The following TMEM178B variants were observed in gnomAD, a reference collection of about 807,000 sequenced individuals.
TMEM178B encodes the protein transmembrane protein 178B.
TMEM178B carries 5 observed loss-of-function variants against 31.0 expected under a neutral mutation model. The observed-to-expected ratio is 0.16, with a 90% CI of 0.08 to 0.34. TMEM178B has a LOEUF of 0.34. TMEM178B is among the 10% of genes least tolerant of loss of function. The probability of loss-of-function intolerance (pLI) is 1.00; values close to 1 mark genes in which losing one functional copy is unlikely to be tolerated. For synonymous variants in TMEM178B, 164 were observed against 164.0 expected, an observed-to-expected ratio of 1.00 and a Z score of 0.00; for missense variants, 275 against 400.3, an observed-to-expected ratio of 0.69 and a Z score of 2.67.
chr7:141,321,504 A>T (rs1440479076), intron 2 of TMEM178B, among the ~76,000 whole-genome samples: 1 of 152,192 alleles, frequency 6.6e-6, no homozygotes, highest in Non-Finnish European at 1.5e-5. Context: ...GTCAGGAGGC[A>T]GTGGTCACTA....
At chr7:141,438,019 T>C (rs1801581169) in intron 3 of TMEM178B, among the ~76,000 whole-genome samples, 1 of 152,156 alleles carries the variant, frequency 6.6e-6, no homozygotes, top group Non-Finnish European at 1.5e-5. Flanking sequence ...GAGATGATCA[T>C]GAGACGGGTG....
At position 141,344,145 on chromosome 7, in the gene TMEM178B, A is replaced by G. The variant is rs1031800476; in HGVS notation, c.497-93463A>G. 1.3e-5 allele frequency among the ~76,000 whole-genome samples: 2 copies of G among 152,240 alleles called. No individual in the cohort carries two copies. Among genetic ancestry groups the G allele is most frequent in the African/African-American group, 2.4e-5 (1 of 41,468 alleles). On this transcript the variant is annotated intron_variant, in intron 2 of 3. Coordinates refer to ENST00000565468, the MANE Select transcript of TMEM178B (RefSeq NM_001195278.2). The surrounding 1 kb of genome is among the most constrained non-coding windows in gnomAD (Gnocchi z 4.1). ...TGCAAAAGTAATTGTGGTTTTTGCCATTACTTTTAAGGGTGACACAGCTTA... is the reference window on the plus strand; with the variant it reads ...TGCAAAAGTAATTGTGGTTTTTGCCGTTACTTTTAAGGGTGACACAGCTTA...
intron 1 of TMEM178B, among the ~76,000 whole-genome samples, chr7:141,190,153 A>G (rs1444515633): frequency 2.0e-5 from 3 of 152,212 alleles, no homozygotes; most frequent in Non-Finnish European, 2.9e-5. Context: ...TGAAAATAAC[A>G]GCAGTAGAAA....
chr7:141,168,598 C>G (rs1002326736), intron 1 of TMEM178B, among the ~76,000 whole-genome samples: 2 of 152,052 alleles, frequency 1.3e-5, no homozygotes, highest in African/African-American at 4.8e-5. Flanking sequence ...ATGGTGAAAT[C>G]CCATCTCTAC....
intron 2 of TMEM178B, among the ~76,000 whole-genome samples, chr7:141,320,270 C>T (rs1799075384): frequency 6.6e-6 from 1 of 152,104 alleles, no homozygotes; most frequent in African/African-American, 2.4e-5. Context: ...TCAAGCAGTT[C>T]TTTATACCAG....
intron 2 of TMEM178B, among the ~76,000 whole-genome samples, chr7:141,358,457 C>A (rs1341352034): frequency 1.3e-5 from 2 of 152,134 alleles, no homozygotes. Context: ...TACTGGTCTG[C>A]AGCTTATCTC....
chr7:141,273,782 G>A (rs371475680), intron 2 of TMEM178B, among the ~76,000 whole-genome samples: 5 of 152,196 alleles, frequency 3.3e-5, no homozygotes, highest in Non-Finnish European at 4.4e-5. Context: ...AGCAATGCCC[G>A]TTTCTTTATC....
At chr7:141,241,590 CAAAAAAAAA>C (rs766018973) in intron 2 of TMEM178B, among the ~76,000 whole-genome samples, 1 of 75,970 alleles carries the variant, frequency 1.3e-5, no homozygotes, top group Non-Finnish European at 2.4e-5. Flanking sequence ...GACTTCGTCT[CAAAAAAAAA>C]AAAAAAAAAA....
intron 1 of TMEM178B, among the ~76,000 whole-genome samples, chr7:141,126,556 T>C (rs892015250): frequency 6.6e-6 from 1 of 152,266 alleles, no homozygotes; most frequent in Non-Finnish European, 1.5e-5. Context: ...CTTCATCCGA[T>C]ACTCTGCACC....
chr7:141,276,393 A>G (rs547677078), intron 2 of TMEM178B, among the ~76,000 whole-genome samples: 2 of 152,306 alleles, frequency 1.3e-5, no homozygotes, highest in South Asian at 2.1e-4. Flanking sequence ...TTTATAAAGG[A>G]AAGAGGTTTA....
intron 2 of TMEM178B, among the ~76,000 whole-genome samples, chr7:141,337,026 T>TCAC (rs1364878528): frequency 7.9e-5 from 2 of 25,430 alleles, no homozygotes; most frequent in Non-Finnish European, 1.4e-4. Context: ...ATCACCACCA[T>TCAC]CACCACCACC....
chr7:141,272,876 T>A (rs577162781), intron 2 of TMEM178B, among the ~76,000 whole-genome samples: 2 of 152,364 alleles, frequency 1.3e-5, no homozygotes, highest in East Asian at 3.9e-4. Context: ...TGGGTGTGTA[T>A]CTAAAGGAAC....
At chr7:141,503,257 C>T in the TMEM178B span, among the ~76,000 whole-genome samples, 4 of 152,206 alleles carry the variant, frequency 2.6e-5, no homozygotes, top group African/African-American at 9.7e-5. Flanking sequence ...CCTAATTGCA[C>T]AAGCCCACAA....
chr7:141,199,410 A>C (rs1586821698), intron 1 of TMEM178B, among the ~76,000 whole-genome samples: 1 of 152,222 alleles, frequency 6.6e-6, no homozygotes, highest in East Asian at 1.9e-4. Context: ...CCTGGTTAGC[A>C]AATGCAATGA....
At chr7:141,341,881 C>G (rs749719669) in intron 2 of TMEM178B, among the ~76,000 whole-genome samples, 3 of 152,170 alleles carry the variant, frequency 2.0e-5, no homozygotes, top group Admixed American at 6.5e-5. Flanking sequence ...GACTTTTTCC[C>G]ACTTCAGAAA....
At position 141,260,848 on chromosome 7, in the gene TMEM178B, G is replaced by A. The variant is rs1798002048; in HGVS notation, c.496+48144G>A. ...TCAGAGGAATTTTACACTTACTGGG[G>A]CCACTTTGGAGTAACCCCACAGGTA... On this transcript the variant is annotated intron_variant, in intron 2 of 3. Coordinates refer to ENST00000565468, the MANE Select transcript of TMEM178B (RefSeq NM_001195278.2). Among the ~76,000 whole-genome samples the A allele has an allele frequency of 5.9e-5, 9 of 152,096 alleles. No individual in the cohort carries two copies. The South Asian group carries it at 1.7e-3, about 28-fold the overall frequency.
chr7:141,502,302 G>T, the TMEM178B span, among the ~76,000 whole-genome samples: 6 of 130,382 alleles, frequency 4.6e-5, no homozygotes, highest in Admixed American at 6.9e-5. Flanking sequence ...GACTACTAAG[G>T]TTCAGAAAAG....
rs115059811 is a variant in TMEM178B, at chr7:141,301,826, C to T, written c.496+89122C>T. On this transcript the variant is annotated intron_variant, in intron 2 of 3. Transcript: ENST00000565468. ...AAGAACTCAAGGGAGCCCCGGGGGG[C>T]CCTCATCCCACAGAGAAGAGAGTCC... 1.2e-3 allele frequency among the ~76,000 whole-genome samples: 178 copies of T among 152,290 alleles called. 1 individual carries two copies. Among genetic ancestry groups the T allele is most frequent in the Middle Eastern group, 6.8e-3 (2 of 294 alleles).
Position 141,074,755 on chromosome 7 carries a change from C to T in TMEM178B, c.382+63C>T, listed in dbSNP as rs1794569934. 2 of 1,435,828 alleles carry T rather than the reference C, an allele frequency of 1.4e-6. No individual in the cohort carries two copies. The highest frequency in any genetic ancestry group is 1.5e-5 in the South Asian group (1 of 67,748). The allele number at this position is 1,435,828 out of a possible 1,614,324, so 88.9% of individuals were successfully genotyped here. ...CCGGCGCCTTTAGGCCCCGCAGCCC[C>T]TCGCGTCTCCTTCCCAGGCCACAGG... On this transcript the variant is annotated intron_variant, in intron 1 of 3. Coordinates refer to ENST00000565468, the MANE Select transcript of TMEM178B (RefSeq NM_001195278.2). This position sits in a 1 kb window ranked among gnomAD's most constrained non-coding sequence, Gnocchi z 5.1.
Sources: allele counts gnomAD v4.1 joint callset (sites outside exome capture counted in the v4.1 genomes callset), GRCh38; gene constraint gnomAD v4.1.1; non-coding constraint Gnocchi (gnomAD v3.1); transcripts MANE v1.5; gene names NCBI Gene and HGNC (gene_info 2026-07-23, HGNC 2026-07-21).